Variants in MAP4K4 observed in about 807,000 individuals in gnomAD.
The protein encoded by MAP4K4 is HPK/GCK-like kinase HGK.
A neutral mutation model predicts 189.6 loss-of-function variants in MAP4K4; 38 were observed. The observed-to-expected ratio is 0.20, with a 90% CI of 0.15 to 0.26. MAP4K4 has a LOEUF of 0.26. MAP4K4 is among the 10% of genes least tolerant of loss of function. MAP4K4 has a pLI of 1.00. For synonymous variants in MAP4K4, 610 were observed against 624.3 expected, an observed-to-expected ratio of 0.98 and a Z score of 0.34; for missense variants, 1,054 against 1,726.9, an observed-to-expected ratio of 0.61 and a Z score of 6.91.
intron 3 of MAP4K4, among the ~76,000 whole-genome samples, chr2:101,822,968 C>CT (rs1460630451): frequency 6.6e-6 from 1 of 152,304 alleles, no homozygotes; most frequent in Admixed American, 6.5e-5. Flanking sequence ...TTCTTTCTCA[C>CT]TTTAACTCTG....
chr2:101,710,731 A>G (rs1306398292), intron 2 of MAP4K4, among the ~76,000 whole-genome samples: 1 of 152,160 alleles, frequency 6.6e-6, no homozygotes, highest in Non-Finnish European at 1.5e-5. Flanking sequence ...ATGCACAGTG[A>G]AGCTTTATGA....
At chr2:101,806,620 C>T (rs931391614) in intron 3 of MAP4K4, among the ~76,000 whole-genome samples, 6 of 152,168 alleles carry the variant, frequency 3.9e-5, no homozygotes, top group Non-Finnish European at 5.9e-5. Flanking sequence ...CCTCGTGATC[C>T]GCCCGCCTTG....
intron 32 of MAP4K4, among the ~76,000 whole-genome samples, chr2:101,890,769 T>C (rs11691148): frequency 0.15 from 22,083 of 150,362 alleles, 1,715 homozygotes; most frequent in South Asian, 0.2. Flanking sequence ...TATTTATTTA[T>C]TTATTTTTTG....
chr2:101,727,045 G>T (rs1464306453), intron 2 of MAP4K4, among the ~76,000 whole-genome samples: 1 of 152,078 alleles, frequency 6.6e-6, no homozygotes, highest in Non-Finnish European at 1.5e-5. Context: ...TAACCTATTA[G>T]TCCATGAATG....
chr2:101,812,457 C>T (rs1359487554), intron 3 of MAP4K4, among the ~76,000 whole-genome samples: 4 of 152,166 alleles, frequency 2.6e-5, no homozygotes, highest in African/African-American at 4.8e-5. Flanking sequence ...CCTCACAGCA[C>T]GCGTGCGTGT....
intron 32 of MAP4K4, among the ~76,000 whole-genome samples, chr2:101,889,806 G>A (rs2098540006): frequency 6.6e-6 from 1 of 152,176 alleles, no homozygotes. Context: ...GTCATTTAAT[G>A]CAAGAAAGAA....
intron 12 of MAP4K4, 79 bp from the exon 13 acceptor site, chr2:101,855,898 C>G: frequency 2.8e-6 from 4 of 1,407,492 alleles, no homozygotes; most frequent in Non-Finnish European, 3.8e-6. Context: ...CCACCTGGCA[C>G]TGACTGATCA....
At chr2:101,797,889 G>GTTTTGTTTTTTTTTTT (rs2093918338) in intron 3 of MAP4K4, among the ~76,000 whole-genome samples, 1 of 52,304 alleles carries the variant, frequency 1.9e-5, no homozygotes, top group Non-Finnish European at 3.3e-5. Context: ...CATTCTTTTA[G>GTTTTGTTTTTTTTTTT]TTTTTTTTTT....
intron 2 of MAP4K4, among the ~76,000 whole-genome samples, chr2:101,700,467 G>A (rs2037783002): frequency 6.6e-6 from 1 of 152,182 alleles, no homozygotes; most frequent in African/African-American, 2.4e-5. Flanking sequence ...TTAAATCTGT[G>A]CAAAAGTTGC....
chr2:101,831,842 T>C, exon 7 of MAP4K4: 1 of 1,613,170 alleles, frequency 6.2e-7, no homozygotes, highest in Admixed American at 1.7e-5. Context: ...ATGCCACCTA[T>C]GATTACAGAG....
exon 28 of MAP4K4, chr2:101,882,648 C>T (rs769270152): frequency 3.7e-6 from 6 of 1,610,174 alleles, no homozygotes; most frequent in African/African-American, 1.3e-5. Context: ...GATGGACAAC[C>T]GTAGGGGATT....
At chr2:101,780,555 C>G (rs1575436537) in intron 2 of MAP4K4, among the ~76,000 whole-genome samples, 1 of 152,274 alleles carries the variant, frequency 6.6e-6, no homozygotes, top group African/African-American at 2.4e-5. Flanking sequence ...AAAATCCACT[C>G]AGTTATTTTG....
At chr2:101,735,238 A>C (rs1348085910) in intron 2 of MAP4K4, among the ~76,000 whole-genome samples, 2 of 152,098 alleles carry the variant, frequency 1.3e-5, no homozygotes, top group African/African-American at 2.4e-5. Flanking sequence ...TAGGGCAGAA[A>C]GGGGGTGTAG....
chr2:101,760,958 G>A lies in MAP4K4; in HGVS notation c.124-29762G>A, dbSNP rs555945936. Among the ~76,000 whole-genome samples, 9 of 152,250 alleles carry A rather than the reference G, an allele frequency of 5.9e-5. No homozygotes were observed. In the East Asian group the frequency reaches 1.7e-3, roughly 29 times the overall value. On this transcript the variant is annotated intron_variant, in intron 2 of 32. Coordinates refer to ENST00000324219, the Ensembl canonical transcript of MAP4K4. ...GCGGAGGTTGCCGTGAACTGAGATC[G>A]CGCCATTGCACTCCAGTGTGGGCAA...
chr2:101,734,728 G>A (rs1232765070), intron 2 of MAP4K4, among the ~76,000 whole-genome samples: 1 of 152,142 alleles, frequency 6.6e-6, no homozygotes, highest in African/African-American at 2.4e-5. Context: ...GCCTTCTGTT[G>A]CTTCTTCTTG....
At chr2:101,804,838 T>C (rs941143611) in intron 3 of MAP4K4, among the ~76,000 whole-genome samples, 29 of 152,090 alleles carry the variant, frequency 1.9e-4, no homozygotes, top group Non-Finnish European at 4.0e-4. Flanking sequence ...TCCCAGCACC[T>C]TGGGAAGCCA....
intron 28 of MAP4K4, 145 bp from the exon 29 acceptor site, chr2:101,885,042 C>T (rs1049821869): frequency 2.1e-6 from 1 of 476,378 alleles, no homozygotes; most frequent in Non-Finnish European, 3.8e-6. Flanking sequence ...GGTGTGATCT[C>T]TCTCTCTGAA....
intron 21 of MAP4K4, among the ~76,000 whole-genome samples, chr2:101,868,855 A>G (rs900607830): frequency 6.6e-5 from 10 of 151,174 alleles, no homozygotes; most frequent in African/African-American, 2.2e-4. Context: ...TTTTTTTTTC[A>G]GTATGAGGTA....
At chr2:101,833,619 C>CA (rs373529950) in intron 7 of MAP4K4, among the ~76,000 whole-genome samples, 5,703 of 64,012 alleles carry the variant, frequency 0.089, 183 homozygotes, top group African/African-American at 0.18. Context: ...GACTCCATCT[C>CA]AAAAAAAAAA....
Sources: gnomAD v4.1 joint callset for allele counts (sites outside exome capture counted in the v4.1 genomes callset) on GRCh38, gnomAD v4.1.1 for gene constraint, MANE v1.5 for transcripts, NCBI Gene and HGNC (gene_info 2026-07-23, HGNC 2026-07-21) for gene names.